Variants in SEPTIN11 observed in about 807,000 individuals in gnomAD.
The protein encoded by SEPTIN11 is septin 11, also known as septin-11.
A neutral mutation model predicts 51.4 loss-of-function variants in SEPTIN11; 25 were observed. The observed-to-expected ratio is 0.49, with a 90% CI of 0.35 to 0.68. SEPTIN11 has a LOEUF of 0.68. Among genes scored for constraint, SEPTIN11 ranks in the 30% least tolerant of loss-of-function variants. The pLI is 0.00. For synonymous variants in SEPTIN11, 174 were observed against 184.1 expected (o/e 0.95, Z 0.44); for missense variants, 381 against 520.8 (o/e 0.73, Z 2.61).
chr4:77,035,895 T>C lies in SEPTIN11; in HGVS notation c.*1383T>C. ...TTTTTCCCCTCTACTAACAAGATCC[T>C]CCCAGCTTTCTCTCTACATGTAGAA... On this transcript the variant is annotated 3_prime_UTR_variant, in exon 10 of 10. Transcript: ENST00000264893. 1 of 985,910 alleles carries C rather than the reference T, an allele frequency of 1.0e-6. No individual in the cohort carries two copies. Among genetic ancestry groups the C allele is most frequent in the Non-Finnish European group, 1.2e-6 (1 of 829,940 alleles). 61.1% of individuals were successfully genotyped at this position (985,910 alleles called of 1,614,324 possible).
At chr4:76,979,880 C>A (rs1448435465) in intron 1 of SEPTIN11, among the ~76,000 whole-genome samples, 1 of 151,580 alleles carries the variant, frequency 6.6e-6, no homozygotes, top group Non-Finnish European at 1.5e-5. Context: ...CAAACAAGCA[C>A]CCAATAAACA....
chr4:77,016,637 T>TATATATATACACAC (rs1560736340), intron 5 of SEPTIN11, among the ~76,000 whole-genome samples: 2 of 93,550 alleles, frequency 2.1e-5, no homozygotes, highest in South Asian at 7.0e-4. Flanking sequence ...TATACACATA[T>TATATATATACACAC]ATATATATAT....
chr4:76,959,124 C>A, intron 1 of SEPTIN11: 1 of 605,194 alleles, frequency 1.7e-6, no homozygotes, highest in South Asian at 1.5e-5. Flanking sequence ...CCTGCGGTGT[C>A]CAAGGCTTCC....
intron 1 of SEPTIN11, among the ~76,000 whole-genome samples, chr4:76,982,814 G>A (rs541110871): frequency 1.3e-5 from 2 of 152,286 alleles, no homozygotes; most frequent in East Asian, 3.9e-4. Flanking sequence ...CTAGTTTGTG[G>A]TTAGCTGCCC....
chr4:76,976,658 TG>T (rs1390714231), intron 1 of SEPTIN11, among the ~76,000 whole-genome samples: 2 of 152,268 alleles, frequency 1.3e-5, no homozygotes, highest in African/African-American at 4.8e-5. Context: ...TCTTCTTGCT[TG>T]GCGTCAGCAT....
intron 1 of SEPTIN11, among the ~76,000 whole-genome samples, chr4:76,993,697 T>C (rs994185849): frequency 2.0e-5 from 3 of 152,174 alleles, no homozygotes; most frequent in Non-Finnish European, 4.4e-5. Context: ...CCTTTAATAC[T>C]GGGCAGAGAA....
intron 1 of SEPTIN11, among the ~76,000 whole-genome samples, chr4:76,967,839 G>A (rs1014674490): frequency 2.0e-5 from 3 of 152,038 alleles, no homozygotes; most frequent in Non-Finnish European, 2.9e-5. Flanking sequence ...AAATACAAGT[G>A]AAGCAAGTGC....
intron 1 of SEPTIN11, among the ~76,000 whole-genome samples, chr4:76,989,268 A>AGG (rs1723219367): frequency 6.6e-6 from 1 of 152,218 alleles, no homozygotes; most frequent in Admixed American, 6.5e-5. Flanking sequence ...ACCTGAATAC[A>AGG]TAAATGTTAT....
At chr4:77,038,686 TA>T (rs1560759428), downstream of SEPTIN11, 12 of 1,009,296 alleles carry the variant, frequency 1.2e-5, no homozygotes, top group Admixed American at 5.4e-5. Context: ...GCTTACTGGA[TA>T]AAAGAAATAG....
chr4:77,036,931 G>C lies in SEPTIN11; in HGVS notation c.*2419G>C. Reference sequence around the variant, plus strand: ...GGATAGATTTTTTTTTTCTTTTCAAGGGGGGCAGGAAGGTAATGGTTTGAG... The same window carrying C: ...GGATAGATTTTTTTTTTCTTTTCAACGGGGGCAGGAAGGTAATGGTTTGAG... On this transcript the variant is annotated 3_prime_UTR_variant, in exon 10 of 10. Coordinates refer to ENST00000264893, the MANE Select transcript of SEPTIN11 (RefSeq NM_018243.4). 1 of 1,323,528 alleles carries C rather than the reference G, an allele frequency of 7.6e-7. No homozygotes were observed. Among genetic ancestry groups the C allele is most frequent in the South Asian group, 2.2e-5 (1 of 44,726 alleles). 82.0% of individuals were successfully genotyped at this position (1,323,528 alleles called of 1,614,324 possible). A position where few individuals can be genotyped will look rare whatever the true frequency, so the allele number is the denominator to read the frequency against.
chr4:77,038,941 G>A, downstream of SEPTIN11: 1 of 551,910 alleles, frequency 1.8e-6, no homozygotes, highest in Non-Finnish European at 3.0e-6. Flanking sequence ...CTCCCGTCGA[G>A]CTCGAGGAAG....
intron 2 of SEPTIN11, among the ~76,000 whole-genome samples, chr4:77,004,367 C>T (rs1477510918): frequency 6.6e-6 from 1 of 152,088 alleles, no homozygotes; most frequent in Non-Finnish European, 1.5e-5. Context: ...TCTAAGAAGC[C>T]ACAAATGTTT....
chr4:76,955,161 C>T (rs1721507166), intron 1 of SEPTIN11, among the ~76,000 whole-genome samples: 1 of 152,034 alleles, frequency 6.6e-6, no homozygotes, highest in Non-Finnish European at 1.5e-5. Flanking sequence ...CAAAATAATC[C>T]TCAACACCCT....
chr4:77,037,423 T>C lies in SEPTIN11; in HGVS notation c.*2911T>C. 1 of 985,240 alleles carries C rather than the reference T, an allele frequency of 1.0e-6. No individual in the cohort carries two copies. Among genetic ancestry groups the C allele is most frequent in the Non-Finnish European group, 1.2e-6 (1 of 829,924 alleles). 61.0% of individuals were successfully genotyped at this position (985,240 alleles called of 1,614,324 possible). On this transcript the variant is annotated 3_prime_UTR_variant, in exon 10 of 10. Transcript: ENST00000264893. ...ACATAGCCTCATGGGCATCATTGGA[T>C]AGCTCAGAGGGCCCTTGATTCTGGC... is the stretch of plus-strand genomic sequence containing the variant.
At chr4:77,005,543 G>A in intron 2 of SEPTIN11, 58 bp from the exon 3 acceptor site, 1 of 1,442,628 alleles carries the variant, frequency 6.9e-7, no homozygotes, top group Non-Finnish European at 9.5e-7. Context: ...CTGATGAATT[G>A]AACTGATGTC....
At chr4:77,016,290 T>C (rs969204666) in intron 5 of SEPTIN11, among the ~76,000 whole-genome samples, 13 of 151,644 alleles carry the variant, frequency 8.6e-5, no homozygotes, top group African/African-American at 1.9e-4. Flanking sequence ...GCACCTAAGA[T>C]TGCATGGCTG....
intron 1 of SEPTIN11, among the ~76,000 whole-genome samples, chr4:76,979,607 G>T (rs1413928339): frequency 6.6e-6 from 1 of 152,146 alleles, no homozygotes; most frequent in Non-Finnish European, 1.5e-5. Flanking sequence ...CAAAGGGCCA[G>T]GCATGGTGGC....
At chr4:76,963,327 C>T (rs1215706054) in intron 1 of SEPTIN11, among the ~76,000 whole-genome samples, 1 of 152,202 alleles carries the variant, frequency 6.6e-6, no homozygotes, top group Non-Finnish European at 1.5e-5. Context: ...GATTACATTT[C>T]AGTGGGTAAA....
chr4:77,004,808 C>A (rs556310377), intron 2 of SEPTIN11, among the ~76,000 whole-genome samples: 2 of 152,078 alleles, frequency 1.3e-5, no homozygotes, highest in African/African-American at 4.8e-5. Flanking sequence ...ACTAAAAATA[C>A]AAAAATTAGC....
Sources: gnomAD v4.1 joint callset for allele counts (sites outside exome capture counted in the v4.1 genomes callset) on GRCh38, gnomAD v4.1.1 for gene constraint, MANE v1.5 for transcripts, NCBI Gene and HGNC (gene_info 2026-07-23, HGNC 2026-07-21) for gene names.